The following ABR variants were observed in gnomAD, a reference collection of about 807,000 sequenced individuals.
The protein encoded by ABR is active breakpoint cluster region-related protein.
A neutral mutation model predicts 107.2 loss-of-function variants in ABR; 35 were observed. The observed-to-expected ratio is 0.33, with a 90% CI of 0.25 to 0.43. ABR has a LOEUF of 0.43. Ranked by LOEUF, ABR falls within the 20% of genes least tolerant of loss-of-function variation. The pLI, the probability that ABR is intolerant of heterozygous loss-of-function variation, is 1.00. For missense variants in ABR, 815 were observed against 1,115.2 expected, an observed-to-expected ratio of 0.73 and a Z score of 3.83; for synonymous variants, 498 against 462.0, an observed-to-expected ratio of 1.08 and a Z score of -1.00.
At chr17:1,076,286 G>A (rs185839608) in intron 6 of ABR, among the ~76,000 whole-genome samples, 89 of 152,176 alleles carry the variant, frequency 5.8e-4, no homozygotes, top group African/African-American at 2.1e-3. Context: ...CATGGGCCAT[G>A]GAAGCTTGAA....
intron 2 of ABR, among the ~76,000 whole-genome samples, chr17:1,112,042 C>T (rs1318625631): frequency 4.6e-5 from 7 of 152,242 alleles, no homozygotes; most frequent in Admixed American, 3.9e-4. Flanking sequence ...CCAAGTCCTT[C>T]GGTTCTTCTT....
intron 1 of ABR, among the ~76,000 whole-genome samples, chr17:1,149,431 T>TG (rs1011349541): frequency 4.0e-5 from 6 of 149,200 alleles, no homozygotes; most frequent in African/African-American, 1.2e-4. Context: ...TTTAGTTTTT[T>TG]TTTTTTTTTT....
At chr17:1,175,818 G>A (rs537090459) in intron 1 of ABR, among the ~76,000 whole-genome samples, 47 of 152,304 alleles carry the variant, frequency 3.1e-4, no homozygotes, top group African/African-American at 8.7e-4. Flanking sequence ...AGGGCCGGGC[G>A]CGGTGGCTCA....
At chr17:1,031,910 T>G in intron 16 of ABR, 8 of 584,354 alleles carry the variant, frequency 1.4e-5, no homozygotes, top group Admixed American at 1.4e-4. Flanking sequence ...GCGTCCCTCC[T>G]CCCTCCTCCC....
chr17:1,217,576 A>C (rs554202553), intron 1 of ABR, among the ~76,000 whole-genome samples: 2 of 152,168 alleles, frequency 1.3e-5, no homozygotes, highest in African/African-American at 4.8e-5. Flanking sequence ...CCTAGCCTAC[A>C]AATATAAACA....
intron 10 of ABR, among the ~76,000 whole-genome samples, chr17:1,059,768 C>T (rs2257797): frequency 0.19 from 28,991 of 152,202 alleles, 3,121 homozygotes; most frequent in South Asian, 0.25. Flanking sequence ...CCTCAAGCTC[C>T]TCAGTTAGAA....
At chr17:1,146,218 C>T (rs1288868118) in intron 1 of ABR, among the ~76,000 whole-genome samples, 1 of 150,478 alleles carries the variant, frequency 6.6e-6, no homozygotes, top group African/African-American at 2.4e-5. Flanking sequence ...AAAAGCCCAG[C>T]CAGCTTGTCT....
chr17:1,213,882 G>T (rs1052088037), intron 1 of ABR, among the ~76,000 whole-genome samples: 1 of 151,816 alleles, frequency 6.6e-6, no homozygotes, highest in Non-Finnish European at 1.5e-5. Flanking sequence ...GGAGAGATGT[G>T]AAATGGTTTG....
intron 2 of ABR, among the ~76,000 whole-genome samples, chr17:1,106,953 G>T: frequency 6.6e-6 from 1 of 152,244 alleles, no homozygotes. Flanking sequence ...AGGGTGCTCT[G>T]AAGAGCACCT....
At chr17:1,093,601 A>C (rs2037185031) in intron 3 of ABR, among the ~76,000 whole-genome samples, 1 of 152,176 alleles carries the variant, frequency 6.6e-6, no homozygotes, top group Admixed American at 6.5e-5. Flanking sequence ...GCTTTCCGAC[A>C]AGAGAAGCAT....
At chr17:1,097,539 C>T (rs527324035) in intron 3 of ABR, among the ~76,000 whole-genome samples, 41 of 138,848 alleles carry the variant, frequency 3.0e-4, no homozygotes, top group Non-Finnish European at 4.2e-4. Context: ...TATAATGAGC[C>T]GAGATTGTGC....
chr17:1,165,760 T>C (rs1185553761), intron 1 of ABR, among the ~76,000 whole-genome samples: 1 of 152,174 alleles, frequency 6.6e-6, no homozygotes, highest in Admixed American at 6.5e-5. Flanking sequence ...CTCGAACTCA[T>C]GACCTCAGGT....
chr17:1,193,003 G>T (rs2042470028), intron 1 of ABR, among the ~76,000 whole-genome samples: 1 of 152,204 alleles, frequency 6.6e-6, no homozygotes, highest in South Asian at 2.1e-4. Flanking sequence ...AGCCGAGATT[G>T]CGCCATTGCA....
At chr17:1,173,199 C>T (rs1482404510) in intron 1 of ABR, among the ~76,000 whole-genome samples, 7 of 114,148 alleles carry the variant, frequency 6.1e-5, no homozygotes, top group African/African-American at 2.5e-4. Flanking sequence ...TCAGTCAACG[C>T]AACACATCAC....
chr17:1,055,081 C>T (rs966305602), intron 14 of ABR, among the ~76,000 whole-genome samples: 13 of 152,238 alleles, frequency 8.5e-5, no homozygotes, highest in South Asian at 4.1e-4. Flanking sequence ...AGATAAAAAG[C>T]GCAACCAGGC....
At chr17:1,040,840 G>A (rs2150976022) in intron 16 of ABR, among the ~76,000 whole-genome samples, 1 of 152,326 alleles carries the variant, frequency 6.6e-6, no homozygotes, top group African/African-American at 2.4e-5. Context: ...AACTAACGAT[G>A]GAGAAAGCTA....
intron 16 of ABR, among the ~76,000 whole-genome samples, chr17:1,035,832 C>T (rs1314387516): frequency 1.3e-5 from 2 of 150,336 alleles, no homozygotes; most frequent in Non-Finnish European, 3.0e-5. Flanking sequence ...CCCGGGGAGA[C>T]GTGGGTGGGA....
In ABR at chr17:1,217,819, T is replaced by C. The variant is rs568720730; in HGVS notation, c.838+10974A>G. ...AAGCGATTCTCCTGCCTCAGCCTCC[T>C]GAGTAGCTGGGATTACAGGCACGTG... On this transcript the variant is annotated intron_variant, in intron 1 of 22. Coordinates refer to the ABR transcript ENST00000574139. Among the ~76,000 whole-genome samples, 108 of 152,294 alleles carry C rather than the reference T, an allele frequency of 7.1e-4. 1 individual carries two copies. The highest frequency in any genetic ancestry group is 2.4e-3 in the African/African-American group (99 of 41,564).
intron 1 of ABR, among the ~76,000 whole-genome samples, chr17:1,212,882 C>G (rs1185425024): frequency 2.7e-5 from 4 of 150,162 alleles, no homozygotes; most frequent in Non-Finnish European, 5.9e-5. Context: ...GAGTGAGACA[C>G]TGTCTAAAAA....
Sources: gnomAD v4.1 joint callset for allele counts (sites outside exome capture counted in the v4.1 genomes callset) on GRCh38, gnomAD v4.1.1 for gene constraint, MANE v1.5 for transcripts, NCBI Gene and HGNC (gene_info 2026-07-23, HGNC 2026-07-21) for gene names.